The following IQGAP3 variants were observed in gnomAD, a reference collection of about 807,000 sequenced individuals.
The protein encoded by IQGAP3 is ras GTPase-activating-like protein IQGAP3.
In IQGAP3, 165 loss-of-function variants were observed where a neutral mutation model predicts 208.2. That is an observed-to-expected ratio of 0.79 (90% confidence interval 0.70 to 0.90). The LOEUF (loss-of-function observed/expected upper bound fraction) is 0.90. Among genes scored for constraint, IQGAP3 ranks in the 40% least tolerant of loss-of-function variants. The pLI is 0.00. For synonymous variants in IQGAP3, 703 were observed against 803.6 expected, an observed-to-expected ratio of 0.87 and a Z score of 2.12; for missense variants, 1,811 against 2,043.1, an observed-to-expected ratio of 0.89 and a Z score of 2.19.
Position 156,528,983 on chromosome 1 carries a change from C to T in IQGAP3, c.4504G>A (p.Glu1502Lys). 6.2e-7 allele frequency: 1 copy of T among 1,614,220 alleles called. No homozygotes were observed. Among genetic ancestry groups the T allele is most frequent in the Non-Finnish European group, 8.5e-7 (1 of 1,180,036 alleles). ...QGLSTKTTFY[E>K]EQGDYYSQYI... ...TGGCTGTAGTAGTCACCCTGCTCCT[C>T]ATAGAAGGTGGTCTTAGTGCTCAGG... is the stretch of plus-strand genomic sequence containing the variant. The change falls in exon 35 of 38, where the codon GAG (glutamate) becomes AAG (lysine). Residue 1502 changes from glutamate to lysine, a missense_variant. Glu to Lys is a moderately conservative substitution (Grantham distance 56). Coordinates refer to ENST00000361170, the MANE Select transcript of IQGAP3 (RefSeq NM_178229.5).
intron 32 of IQGAP3, 29 bp downstream of exon 32, chr1:156,532,951 A>G (rs763511154): frequency 1.2e-6 from 2 of 1,613,320 alleles, no homozygotes; most frequent in African/African-American, 1.3e-5. Context: ...GAGCTCAGGT[A>G]TGCAGGGGCA....
At chr1:156,528,838 A>G in intron 35 of IQGAP3, 78 bp downstream of exon 35, 1 of 1,516,422 alleles carries the variant, frequency 6.6e-7, no homozygotes. Context: ...CAAAGCTGGG[A>G]GATAGCAGGG....
At chr1:156,552,420 C>G (rs1675599245) in intron 13 of IQGAP3, among the ~76,000 whole-genome samples, 1 of 152,302 alleles carries the variant, frequency 6.6e-6, no homozygotes, top group Admixed American at 6.5e-5. Context: ...CCAGCCAGCT[C>G]CTTGTGATTT....
intron 28 of IQGAP3, 93 bp downstream of exon 28, chr1:156,535,070 G>T: frequency 2.1e-6 from 2 of 972,580 alleles, no homozygotes; most frequent in Non-Finnish European, 3.3e-6. Flanking sequence ...TTATGGCATA[G>T]GATTTTTTGT....
Position 156,526,413 on chromosome 1 carries a change from C to G in IQGAP3, c.*73G>C. On this transcript the variant is annotated 3_prime_UTR_variant, in exon 38 of 38. Transcript: ENST00000361170. ...TGAGCTCTAGGTGTCTGCAGGGAAG[C>G]ACAGTGGTGAGTTAGTGTTAAAGAA... The G allele has an allele frequency of 1.0e-6, 1 of 969,330 alleles. No homozygotes were observed. Among genetic ancestry groups the G allele is most frequent in the South Asian group, 1.3e-5 (1 of 75,904 alleles). The allele number at this position is 969,330 out of a possible 1,614,324, so 60.0% of individuals were successfully genotyped here. A position where few individuals can be genotyped will look rare whatever the true frequency, so the allele number is the denominator to read the frequency against.
rs1383411463 is a variant in IQGAP3 at position 156,551,888 on chromosome 1, G to T, written c.1571-20C>A. 6.3e-7 allele frequency: 1 copy of T among 1,598,208 alleles called. No individual in the cohort carries two copies. Among genetic ancestry groups the T allele is most frequent in the Non-Finnish European group, 8.5e-7 (1 of 1,170,138 alleles). On this transcript the variant is annotated intron_variant, in intron 14 of 37. Transcript: ENST00000361170. ...GGACCCCTAAGAAAGAGAGATCTAG[G>T]TGGGCAGGGGGCCCCTAGACTTAAT... is the stretch of plus-strand genomic sequence containing the variant.
At chr1:156,570,128 G>A (rs1676583441) in intron 1 of IQGAP3, among the ~76,000 whole-genome samples, 1 of 152,110 alleles carries the variant, frequency 6.6e-6, no homozygotes, top group Non-Finnish European at 1.5e-5. Context: ...ATCCTCGTTG[G>A]TTACTCTCTC....
intron 35 of IQGAP3, 114 bp from the exon 36 acceptor site, chr1:156,528,724 G>A (rs1571305995): frequency 1.9e-6 from 2 of 1,047,756 alleles, no homozygotes; most frequent in Admixed American, 4.8e-5. Context: ...CTCACTGATG[G>A]AAGACAGAGG....
rs746822951 is a variant in IQGAP3, at chr1:156,561,984, C to G, written c.895G>C (p.Val299Leu). Reference sequence around the variant, plus strand: ...TGTCTTTCCAGGGCATCATCAACAACTTCTAGAGCCCCATGGACTGAAAAA... The same window carrying G: ...TGTCTTTCCAGGGCATCATCAACAAGTTCTAGAGCCCCATGGACTGAAAAA... ...NHVNVHGALE[V>L]VDDALERQSP... is the part of the protein sequence containing the mutation. Residue 299 changes from valine to leucine, a missense_variant, in exon 10 of 38, where the codon GTT (valine) becomes CTT (leucine). Physicochemically the swap from Val to Leu is conservative, Grantham distance 32. Coordinates refer to ENST00000361170, the MANE Select transcript of IQGAP3 (RefSeq NM_178229.5). The G allele has an allele frequency of 5.0e-6, 8 of 1,612,192 alleles. No homozygotes were observed. Among genetic ancestry groups the G allele is most frequent in the Non-Finnish European group, 6.8e-6 (8 of 1,179,280 alleles).
Position 156,540,819 on chromosome 1 carries a change from C to CTTCA in IQGAP3, c.2624_2627dup (p.Lys876AsnfsTer9). ...TCTTCCTAACTACCTCTTCCTGGAG[C>CTTCA]TTCAGCAGCTCTGCCTCAGCCAAGA... On this transcript the variant is annotated frameshift_variant, in exon 23 of 38. Transcript: ENST00000361170. LOFTEE classifies it high-confidence loss of function. 1 of 1,614,144 alleles carries CTTCA rather than the reference C, an allele frequency of 6.2e-7. No individual in the cohort carries two copies. The highest frequency in any genetic ancestry group is 1.1e-5 in the South Asian group (1 of 91,076).
At position 156,563,184 on chromosome 1, in the gene IQGAP3, C is replaced by T; in HGVS notation, c.748G>A (p.Glu250Lys). 1 of 1,612,672 alleles carries T rather than the reference C, an allele frequency of 6.2e-7. No individual in the cohort carries two copies. Among genetic ancestry groups the T allele is most frequent in the Non-Finnish European group, 8.5e-7 (1 of 1,178,884 alleles). The stretch of plus-strand genomic sequence containing the variant: ...TCCATCTTGGCCTGGGCCAGCATCT[C>T]TTGGTAGACGGCTGCCAGAGGCTCT... ...LREPLAAVYQ[E>K]MLAQAKMEKA... is the part of the protein sequence containing the mutation. Residue 250 changes from glutamate to lysine, a missense_variant, in exon 8 of 38, where the codon GAG becomes AAG. Glu to Lys is a moderately conservative substitution (Grantham distance 56). Transcript: ENST00000361170.
At chr1:156,554,485 A>G (rs2102416596) in intron 12 of IQGAP3, 93 bp from the exon 13 acceptor site, 1 of 1,282,304 alleles carries the variant, frequency 7.8e-7, no homozygotes, top group East Asian at 2.6e-5. Flanking sequence ...TGAATATCCC[A>G]GAGTCTCTAT....
rs1194575547 is a variant in IQGAP3 at position 156,548,176 on chromosome 1, A to G, written c.2201T>C (p.Val734Ala). 1.9e-6 allele frequency: 3 copies of G among 1,614,132 alleles called. No homozygotes were observed. In the Admixed American group the frequency reaches 5.0e-5, roughly 27 times the overall value. ...ACGGAGGCGGGCCTGGAGCTGGATA[A>G]CAAAGCCGACGTTGGCTTTCCAGAG... ...QQLWKANVGF[V>A]IQLQARLRGF... is the part of the protein sequence containing the mutation. Residue 734 changes from valine (V) to alanine (A), a missense_variant, in exon 19 of 38, where the codon GTT becomes GCT. Val to Ala is a moderately conservative substitution (Grantham distance 64). Transcript: ENST00000361170.
rs766040282 is a variant in IQGAP3, at chr1:156,527,984, C to CA, written c.4749dup (p.Val1584CysfsTer19). 3.3e-5 allele frequency: 54 copies of CA among 1,613,866 alleles called. No individual in the cohort carries two copies. The highest frequency in any genetic ancestry group is 4.3e-5 in the Non-Finnish European group (51 of 1,179,840). On this transcript the variant is annotated frameshift_variant, in exon 37 of 38. Transcript: ENST00000361170. LOFTEE classifies it high-confidence loss of function. ...TGAAGCTGAAATCGCTCCATGTCCACACCCAGGAACTTGGCATTTACTTCA... is the reference window on the plus strand; with the variant it reads ...TGAAGCTGAAATCGCTCCATGTCCACAACCCAGGAACTTGGCATTTACTTCA...
At chr1:156,544,693 C>T (rs1272160843) in intron 19 of IQGAP3, among the ~76,000 whole-genome samples, 1 of 152,122 alleles carries the variant, frequency 6.6e-6, no homozygotes, top group East Asian at 1.9e-4. Flanking sequence ...CTCCCTGGTC[C>T]CAGAACAAAC....
rs754677045 is a variant in IQGAP3 at position 156,544,014 on chromosome 1, C to T, written c.2497G>A (p.Ala833Thr). The T allele has an allele frequency of 1.9e-6, 3 of 1,614,162 alleles. No individual in the cohort carries two copies. Among genetic ancestry groups the T allele is most frequent in the Non-Finnish European group, 2.5e-6 (3 of 1,180,012 alleles). The part of the protein sequence containing the change: ...SIVKIQAFFR[A>T]RKAQDDYRIL... ...CTGTAGTCATCTTGGGCTTTCCTGGCTCGGAAAAATGCCTGGATCTTCACA... is the reference window on the plus strand; with the variant it reads ...CTGTAGTCATCTTGGGCTTTCCTGGTTCGGAAAAATGCCTGGATCTTCACA... Residue 833 changes from alanine to threonine, a missense_variant, in exon 22 of 38, where the codon GCC (alanine) becomes ACC (threonine). Transcript: ENST00000361170.
At chr1:156,533,572 G>A (rs185135098) in intron 31 of IQGAP3, among the ~76,000 whole-genome samples, 236 of 152,284 alleles carry the variant, frequency 1.5e-3, no homozygotes, top group African/African-American at 5.2e-3. Context: ...TGATGATCGT[G>A]GGTCCCTCTA....
intron 11 of IQGAP3, 73 bp downstream of exon 11, chr1:156,560,861 G>T: frequency 2.8e-6 from 3 of 1,077,628 alleles, no homozygotes; most frequent in Non-Finnish European, 4.3e-6. Context: ...ACAGAAGCCA[G>T]CAAAGAGGTG....
intron 22 of IQGAP3, 37 bp downstream of exon 22, chr1:156,543,944 C>T: frequency 6.3e-7 from 1 of 1,594,610 alleles, no homozygotes; most frequent in Non-Finnish European, 8.6e-7. Flanking sequence ...GGTCCTCTCC[C>T]TCCCAACAGC....
Sources: gnomAD v4.1 joint callset for allele counts (sites outside exome capture counted in the v4.1 genomes callset) on GRCh38, gnomAD v4.1.1 for gene constraint, MANE v1.5 for transcripts, NCBI Gene and HGNC (gene_info 2026-07-23, HGNC 2026-07-21) for gene names.